CD58: variants seen among roughly 807,000 people sequenced by gnomAD.
CD58 encodes the protein lymphocyte function-associated antigen 3.
In CD58, 14 loss-of-function variants were observed where a neutral mutation model predicts 27.6. The observed-to-expected ratio is 0.51, with a 90% CI of 0.34 to 0.79. The LOEUF (loss-of-function observed/expected upper bound fraction) is 0.79, where lower values mean the gene tolerates loss of function less well. CD58 is among the 30% of genes least tolerant of loss of function. The probability of loss-of-function intolerance (pLI) is 0.02; values close to 1 mark genes in which losing one functional copy is unlikely to be tolerated. For synonymous variants in CD58, 117 were observed against 103.8 expected (o/e 1.13, Z -0.77); for missense variants, 268 against 301.7 (o/e 0.89, Z 0.83).
chr1:116,522,804 T>C lies in CD58; in HGVS notation c.629-821A>G, dbSNP rs529443803. Among the ~76,000 whole-genome samples, 21 of 152,356 alleles carry C rather than the reference T, an allele frequency of 1.4e-4. No homozygotes were observed. Among genetic ancestry groups the C allele is most frequent in the African/African-American group, 5.1e-4 (21 of 41,584 alleles). On this transcript the variant is annotated intron_variant, in intron 3 of 5. Coordinates refer to ENST00000369489, the MANE Select transcript of CD58 (RefSeq NM_001779.3). The surrounding 1 kb of genome is among the most constrained non-coding windows in gnomAD (Gnocchi z 4.6). ...AAGCAGAACTTGGCATTGTGTTTGG[T>C]AGGGCAATTCTGGCAGTTGTATATA...
In CD58 at chr1:116,536,682, G is replaced by T. The variant is rs1185185242; in HGVS notation, c.365-454C>A. Among the ~76,000 whole-genome samples the T allele has an allele frequency of 6.6e-6, 1 of 152,068 alleles. No individual in the cohort carries two copies. Among genetic ancestry groups the T allele is most frequent in the Non-Finnish European group, 1.5e-5 (1 of 68,006 alleles). On this transcript the variant is annotated intron_variant, in intron 2 of 5. Coordinates refer to ENST00000369489, the MANE Select transcript of CD58 (RefSeq NM_001779.3). The surrounding 1 kb of genome is among the most constrained non-coding windows in gnomAD (Gnocchi z 5.4). ...CTGCCATGATTGTAAGTTTCCCGAGGCCTCCCCAGCCATGTGGAACTGTGA... is the reference window on the plus strand; with the variant it reads ...CTGCCATGATTGTAAGTTTCCCGAGTCCTCCCCAGCCATGTGGAACTGTGA...
intron 3 of CD58, among the ~76,000 whole-genome samples, chr1:116,530,332 A>C (rs1254998845): frequency 6.6e-6 from 1 of 151,858 alleles, no homozygotes; most frequent in Non-Finnish European, 1.5e-5. Context: ...CAGCCTCCCA[A>C]GTAGCTGGGA....
rs1018205592 is a variant in CD58, at chr1:116,524,443, TAA to T, written c.629-2462_629-2461del. Among the ~76,000 whole-genome samples, 3 of 152,216 alleles carry T rather than the reference TAA, an allele frequency of 2.0e-5. No individual in the cohort carries two copies. Among genetic ancestry groups the T allele is most frequent in the African/African-American group, 7.2e-5 (3 of 41,448 alleles). On this transcript the variant is annotated intron_variant, in intron 3 of 5. Transcript: ENST00000369489. This position sits in a 1 kb window ranked among gnomAD's most constrained non-coding sequence, Gnocchi z 4.6. Reference sequence around the variant, plus strand: ...CAGAACCAGGAAATACACAATTTTCTAAGAGACAAAATACATTAATGGGTCAT... The same window carrying T: ...CAGAACCAGGAAATACACAATTTTCTGAGACAAAATACATTAATGGGTCAT...
chr1:116,544,477 C>T lies in CD58; in HGVS notation c.198G>A (p.Leu66=), dbSNP rs1347247156. The part of the protein sequence containing the change: ...WKKQKDKVAE[L]ENSEFRAFSS... ...AGAAAGCTCTGAATTCAGAATTTTC[C>T]AGTTCTGCAACTTTATCCTTTTGTT... is the stretch of plus-strand genomic sequence containing the variant. Residue 66 remains leucine (L), a synonymous_variant, in exon 2 of 6, where the codon CTG becomes CTA. Transcript: ENST00000369489. 6.2e-6 allele frequency: 10 copies of T among 1,614,064 alleles called. No individual in the cohort carries two copies. Among genetic ancestry groups the T allele is most frequent in the Non-Finnish European group, 8.5e-6 (10 of 1,179,978 alleles).
chr1:116,531,200 T>G lies in CD58; in HGVS notation c.628+4765A>C, dbSNP rs1657591169. Among the ~76,000 whole-genome samples the G allele has an allele frequency of 6.6e-6, 1 of 152,220 alleles. No individual in the cohort carries two copies. The highest frequency in any genetic ancestry group is 1.9e-4 in the East Asian group (1 of 5,204). On this transcript the variant is annotated intron_variant, in intron 3 of 5. Transcript: ENST00000369489. This position sits in a 1 kb window ranked among gnomAD's most constrained non-coding sequence, Gnocchi z 4.5. ...AGTAAGAGTAATTTTACTTTGTGTC[T>G]TCAAATTCTAATGGCAAACATAAAG... is the stretch of plus-strand genomic sequence containing the variant.
chr1:116,533,407 T>G, intron 3 of CD58: 1 of 821,048 alleles, frequency 1.2e-6, no homozygotes. Flanking sequence ...GGTTCTGATT[T>G]CATCTTGCAG....
rs912022351 is a variant in CD58 at position 116,523,391 on chromosome 1, G to C, written c.629-1408C>G. Among the ~76,000 whole-genome samples the C allele has an allele frequency of 1.3e-5, 2 of 152,198 alleles. No individual in the cohort carries two copies. ...TGGGAAAGGAAGGGAAAGGAAGGGAGAGGAGGAAGAGAGAGAGAAAATGAA... is the reference window on the plus strand; with the variant it reads ...TGGGAAAGGAAGGGAAAGGAAGGGACAGGAGGAAGAGAGAGAGAAAATGAA... On this transcript the variant is annotated intron_variant, in intron 3 of 5. Transcript: ENST00000369489. This position sits in a 1 kb window ranked among gnomAD's most constrained non-coding sequence, Gnocchi z 4.4.
chr1:116,536,034 A>G lies in CD58; in HGVS notation c.559T>C (p.Cys187Arg). The change falls in exon 3 of 6, where the codon TGT becomes CGT. Residue 187 changes from cysteine (C) to arginine (R), a missense_variant. Coordinates refer to ENST00000369489, the MANE Select transcript of CD58 (RefSeq NM_001779.3). The surrounding 1 kb of genome is among the most constrained non-coding windows in gnomAD (Gnocchi z 5.4). ...TTAAATAATGGATTGCTAAGAGTACACTGTATTTTTTGTGGAAGATCATTT... is the reference window on the plus strand; with the variant it reads ...TTAAATAATGGATTGCTAAGAGTACGCTGTATTTTTTGTGGAAGATCATTT... ...MENDLPQKIQ[C>R]TLSNPLFNTT... The G allele has an allele frequency of 6.2e-7, 1 of 1,612,732 alleles. No homozygotes were observed. Among genetic ancestry groups the G allele is most frequent in the Non-Finnish European group, 8.5e-7 (1 of 1,179,034 alleles).
intron 1 of CD58, among the ~76,000 whole-genome samples, chr1:116,562,668 G>C (rs1055472161): frequency 2.6e-5 from 4 of 152,192 alleles, no homozygotes; most frequent in African/African-American, 9.7e-5. Context: ...AATGGTGGCA[G>C]GCAAGAGAGA....
At position 116,532,891 on chromosome 1, in the gene CD58, C is replaced by A; in HGVS notation, c.628+3074G>T. 7.6e-6 allele frequency: 6 copies of A among 788,430 alleles called. No homozygotes were observed. In the South Asian group the frequency reaches 8.7e-5, roughly 11 times the overall value. The allele number at this position is 788,430 out of a possible 1,614,324, so 48.8% of individuals were successfully genotyped here. ...AAAGACTGAGGCCTCCCGCTACAGG[C>A]CCGGAGTCGCGACAGCCGGTCTGCC... is the stretch of plus-strand genomic sequence containing the variant. On this transcript the variant is annotated intron_variant, in intron 3 of 5. Coordinates refer to ENST00000369489, the MANE Select transcript of CD58 (RefSeq NM_001779.3). This position sits in a 1 kb window ranked among gnomAD's most constrained non-coding sequence, Gnocchi z 5.1.
chr1:116,517,329 T>G lies in CD58; in HGVS notation c.743+1902A>C, dbSNP rs1657111321. ...CCTGGCCCATCAACCCCTCATGGCC[T>G]TGGGTCCTCCCAGCTTGGGTCTGTG... On this transcript the variant is annotated intron_variant, in intron 5 of 5. Coordinates refer to ENST00000369489, the MANE Select transcript of CD58 (RefSeq NM_001779.3). The surrounding 1 kb of genome is among the most constrained non-coding windows in gnomAD (Gnocchi z 6.5). 6.6e-6 allele frequency among the ~76,000 whole-genome samples: 1 copy of G among 152,204 alleles called. No homozygotes were observed.
In CD58 at chr1:116,516,629, T is replaced by C. The variant is rs1044817093; in HGVS notation, c.744-1807A>G. On this transcript the variant is annotated intron_variant, in intron 5 of 5. Coordinates refer to ENST00000369489, the MANE Select transcript of CD58 (RefSeq NM_001779.3). The surrounding 1 kb of genome is among the most constrained non-coding windows in gnomAD (Gnocchi z 6.1). ...TTCCCTCTCATGTATTTGCCTCCGC[T>C]GTTTATCCCACCTGGAATGCCTTTT... Among the ~76,000 whole-genome samples, 1 of 152,212 alleles carries C rather than the reference T, an allele frequency of 6.6e-6. No individual in the cohort carries two copies. The highest frequency in any genetic ancestry group is 1.5e-5 in the Non-Finnish European group (1 of 68,032).
Position 116,536,201 on chromosome 1 carries a change from C to A in CD58, c.392G>T (p.Cys131Phe). Residue 131 changes from cysteine to phenylalanine, a missense_variant, in exon 3 of 6, where the codon TGT (cysteine) becomes TTT (phenylalanine). Coordinates refer to ENST00000369489, the MANE Select transcript of CD58 (RefSeq NM_001779.3). This position sits in a 1 kb window ranked among gnomAD's most constrained non-coding sequence, Gnocchi z 5.4. ...LESLPSPTLTCALTNGSIEVQ... is the reference protein window; with the variant it reads ...LESLPSPTLTFALTNGSIEVQ... ...TTCAATGCTTCCATTAGTCAATGCA[C>A]AAGTTAGTGTGGGAGATGGAAGAGA... The A allele has an allele frequency of 1.9e-6, 3 of 1,611,124 alleles. No individual in the cohort carries two copies. The highest frequency in any genetic ancestry group is 2.5e-6 in the Non-Finnish European group (3 of 1,177,964).
Position 116,514,730 on chromosome 1 carries a change from G to A in CD58, c.*83C>T. Reference sequence around the variant, plus strand: ...CATTTCCAACAGTTGTTCAAAAATTGTAATACTCAAATGAGAAATCAGATG... The same window carrying A: ...CATTTCCAACAGTTGTTCAAAAATTATAATACTCAAATGAGAAATCAGATG... On this transcript the variant is annotated 3_prime_UTR_variant, in exon 6 of 6. Coordinates refer to ENST00000369489, the MANE Select transcript of CD58 (RefSeq NM_001779.3). 1.2e-6 allele frequency: 1 copy of A among 861,040 alleles called. No individual in the cohort carries two copies. The highest frequency in any genetic ancestry group is 1.8e-6 in the Non-Finnish European group (1 of 540,728). The allele number at this position is 861,040 out of a possible 1,614,324, so 53.3% of individuals were successfully genotyped here. A position where few individuals can be genotyped will look rare whatever the true frequency, so the allele number is the denominator to read the frequency against.
Position 116,570,846 on chromosome 1 carries a change from G to A in CD58, c.70+57C>T. 1 of 1,405,516 alleles carries A rather than the reference G, an allele frequency of 7.1e-7. No homozygotes were observed. The highest frequency in any genetic ancestry group is 2.3e-4 in the Middle Eastern group (1 of 4,316). The allele number at this position is 1,405,516 out of a possible 1,614,324, so 87.1% of individuals were successfully genotyped here. ...CGAGCCCGGCGCGTCCACCCAGCCT[G>A]GGTGCTGCCCAGTACCCGCCGGCCG... On this transcript the variant is annotated intron_variant, in intron 1 of 5. Coordinates refer to ENST00000369489, the MANE Select transcript of CD58 (RefSeq NM_001779.3). The surrounding 1 kb of genome is among the most constrained non-coding windows in gnomAD (Gnocchi z 6.4).
At chr1:116,542,270 C>A (rs1352426186) in intron 2 of CD58, among the ~76,000 whole-genome samples, 4 of 152,144 alleles carry the variant, frequency 2.6e-5, no homozygotes, top group Non-Finnish European at 5.9e-5. Flanking sequence ...AAGGGCGAAA[C>A]CCCCTCTCAA....
intron 2 of CD58, among the ~76,000 whole-genome samples, chr1:116,537,307 T>C (rs1292352728): frequency 6.6e-6 from 1 of 152,188 alleles, no homozygotes; most frequent in Non-Finnish European, 1.5e-5. Context: ...GCTTGACCCA[T>C]AGGGTGCTCC....
intron 1 of CD58, among the ~76,000 whole-genome samples, chr1:116,568,080 C>G (rs1419319808): frequency 8.4e-6 from 1 of 118,746 alleles, no homozygotes; most frequent in Non-Finnish European, 1.8e-5. Context: ...AAAAAAGCAA[C>G]AGTTTTAGGT....
chr1:116,530,066 G>C (rs1414605904), intron 3 of CD58, among the ~76,000 whole-genome samples: 4 of 152,034 alleles, frequency 2.6e-5, no homozygotes, highest in Non-Finnish European at 4.4e-5. Context: ...TTTAAAATTT[G>C]ATTTATTTTG....
Sources: allele counts gnomAD v4.1 joint callset (sites outside exome capture counted in the v4.1 genomes callset), GRCh38; gene constraint gnomAD v4.1.1; non-coding constraint Gnocchi (gnomAD v3.1); transcripts MANE v1.5; gene names NCBI Gene and HGNC (gene_info 2026-07-23, HGNC 2026-07-21).